DPP10: variants seen among roughly 807,000 people sequenced by gnomAD.
DPP10 encodes inactive dipeptidyl peptidase 10.
Under a neutral mutation model 120.9 loss-of-function variants are expected in DPP10, and 33 were observed. The ratio of observed to expected loss-of-function variants is 0.27; its 90% CI spans 0.21 to 0.37. The LOEUF is 0.37. Among genes scored for constraint, DPP10 ranks in the 10% least tolerant of loss-of-function variants. The pLI is 1.00. For synonymous variants in DPP10, 337 were observed against 326.1 expected (o/e 1.03, Z -0.36); for missense variants, 816 against 942.8 (o/e 0.87, Z 1.76).
At chr2:114,695,424 G>A (rs1700014041) in intron 1 of DPP10, among the ~76,000 whole-genome samples, 2 of 152,104 alleles carry the variant, frequency 1.3e-5, no homozygotes, top group East Asian at 3.9e-4. Flanking sequence ...CTAAACAGTT[G>A]TACATTGACA....
intron 4 of DPP10, among the ~76,000 whole-genome samples, chr2:115,514,431 ATACAT>A (rs1411442747): frequency 6.6e-6 from 1 of 151,686 alleles, no homozygotes; most frequent in African/African-American, 2.4e-5. Flanking sequence ...GTCTCACTCT[ATACAT>A]TATTTATATG....
chr2:114,603,671 T>G (rs1692554366), intron 1 of DPP10, among the ~76,000 whole-genome samples: 1 of 152,066 alleles, frequency 6.6e-6, no homozygotes, highest in Admixed American at 6.6e-5. Flanking sequence ...ATGTGGAGGA[T>G]GGGGCGGTAA....
chr2:115,472,284 C>T (rs1397713824), intron 3 of DPP10, among the ~76,000 whole-genome samples: 2 of 152,060 alleles, frequency 1.3e-5, no homozygotes, highest in Non-Finnish European at 2.9e-5. Context: ...TGTCTCACAG[C>T]TAATGGTAGA....
chr2:114,715,835 T>A (rs1461139208), intron 1 of DPP10, among the ~76,000 whole-genome samples: 1 of 151,968 alleles, frequency 6.6e-6, no homozygotes, highest in African/African-American at 2.4e-5. Context: ...TTTATATGTA[T>A]CACTAAATAA....
At chr2:114,730,969 C>T (rs1676855877) in intron 1 of DPP10, among the ~76,000 whole-genome samples, 1 of 151,336 alleles carries the variant, frequency 6.6e-6, no homozygotes, top group East Asian at 1.9e-4. Context: ...GCTAGCTGAT[C>T]CACACATAGC....
intron 1 of DPP10, among the ~76,000 whole-genome samples, chr2:114,620,085 T>G (rs1266080008): frequency 6.6e-6 from 1 of 151,992 alleles, no homozygotes; most frequent in Non-Finnish European, 1.5e-5. Flanking sequence ...ATTTAATTGT[T>G]GACATGCTCA....
At chr2:115,449,670 C>T (rs925850644) in intron 3 of DPP10, among the ~76,000 whole-genome samples, 21 of 151,980 alleles carry the variant, frequency 1.4e-4, no homozygotes, top group African/African-American at 3.6e-4. Flanking sequence ...GGAGGCTTGA[C>T]GGAGACTTTG....
rs72950110 is a variant in DPP10 at position 115,652,887 on chromosome 2, T to C, written c.442-36800T>C. 7.1e-3 allele frequency among the ~76,000 whole-genome samples: 1,084 copies of C among 152,054 alleles called. 13 individuals carry two copies. The highest frequency in any genetic ancestry group is 0.025 in the African/African-American group (1,028 of 41,512). On this transcript the variant is annotated intron_variant, in intron 5 of 25. Transcript: ENST00000410059. ...CAGACATAATGCTTAACCACGTGAC[T>C]GGACACCCTGTGGTCCAGTCAAGCT...
chr2:115,117,260 C>T (rs1424725760), intron 1 of DPP10, among the ~76,000 whole-genome samples: 1 of 152,188 alleles, frequency 6.6e-6, no homozygotes, highest in South Asian at 2.1e-4. Flanking sequence ...GTGGTTTTAT[C>T]ATTAAAAAGT....
chr2:115,190,266 G>A (rs2054772429), intron 1 of DPP10, among the ~76,000 whole-genome samples: 1 of 152,006 alleles, frequency 6.6e-6, no homozygotes, highest in Admixed American at 6.5e-5. Context: ...AAATTCATCT[G>A]GTACTCCTCG....
chr2:115,349,805 A>G (rs528910159), intron 3 of DPP10, among the ~76,000 whole-genome samples: 3 of 152,104 alleles, frequency 2.0e-5, no homozygotes, highest in Non-Finnish European at 2.9e-5. Flanking sequence ...TTGTCCATCA[A>G]CTTCACTTGG....
At chr2:115,502,096 T>G (rs941747273) in intron 4 of DPP10, among the ~76,000 whole-genome samples, 2 of 152,064 alleles carry the variant, frequency 1.3e-5, no homozygotes, top group Admixed American at 6.6e-5. Flanking sequence ...ACAAATTTAT[T>G]TTTAAAATTA....
At chr2:115,269,804 T>C (rs1029827124) in intron 1 of DPP10, among the ~76,000 whole-genome samples, 5 of 152,140 alleles carry the variant, frequency 3.3e-5, no homozygotes, top group Non-Finnish European at 5.9e-5. Flanking sequence ...TGGAAGGGCA[T>C]AAATACCAGA....
intron 1 of DPP10, among the ~76,000 whole-genome samples, chr2:115,266,262 A>G (rs1290172325): frequency 2.6e-5 from 4 of 152,196 alleles, no homozygotes; most frequent in Non-Finnish European, 5.9e-5. Flanking sequence ...CTCAACATTT[A>G]TCTTTCATGC....
chr2:115,629,572 A>G (rs549774282), intron 5 of DPP10, among the ~76,000 whole-genome samples: 14 of 152,052 alleles, frequency 9.2e-5, no homozygotes, highest in African/African-American at 2.7e-4. Flanking sequence ...CAGTGATGAT[A>G]AGCATTTTTT....
intron 1 of DPP10, among the ~76,000 whole-genome samples, chr2:114,909,492 A>G (rs1409672627): frequency 6.6e-6 from 1 of 152,170 alleles, no homozygotes; most frequent in Non-Finnish European, 1.5e-5. Context: ...ATAAGACTCC[A>G]CAAAAATCCA....
rs186687345 is a variant in DPP10, at chr2:115,634,207, T to G, written c.442-55480T>G. ...CCTTCTGAAGACTACTTCCGTCAGT[T>G]TATCCATCTCAGCCTCTGCCTAGTT... On this transcript the variant is annotated intron_variant, in intron 5 of 25. Transcript: ENST00000410059. 5.3e-4 allele frequency among the ~76,000 whole-genome samples: 80 copies of G among 152,304 alleles called. No individual in the cohort carries two copies. In the East Asian group the frequency reaches 0.015, roughly 28 times the overall value.
chr2:114,967,697 G>T (rs1420469323), intron 1 of DPP10, among the ~76,000 whole-genome samples: 1 of 152,150 alleles, frequency 6.6e-6, no homozygotes, highest in African/African-American at 2.4e-5. Context: ...GCTGCTTATT[G>T]GTCGTGAGAC....
chr2:115,697,876 TCTGAAGG>T (rs1388298437), intron 7 of DPP10, among the ~76,000 whole-genome samples: 1 of 151,982 alleles, frequency 6.6e-6, no homozygotes, highest in African/African-American at 2.4e-5. Flanking sequence ...TCCCAGTTAC[TCTGAAGG>T]CTGAGGCAGA....
Sources: gnomAD v4.1 joint callset for allele counts (sites outside exome capture counted in the v4.1 genomes callset) on GRCh38, gnomAD v4.1.1 for gene constraint, MANE v1.5 for transcripts, NCBI Gene and HGNC (gene_info 2026-07-23, HGNC 2026-07-21) for gene names.